The following RIC8B variants were observed in gnomAD, a reference collection of about 807,000 sequenced individuals.
RIC8B encodes RIC8 guanine nucleotide exchange factor B.
Under a neutral mutation model 57.5 loss-of-function variants are expected in RIC8B, and 16 were observed. The observed-to-expected ratio is 0.28, with a 90% CI of 0.19 to 0.42. The LOEUF is 0.42. RIC8B is among the 10% of genes least tolerant of loss of function. The probability of loss-of-function intolerance (pLI) is 1.00; values close to 1 mark genes in which losing one functional copy is unlikely to be tolerated. For synonymous variants in RIC8B, 216 were observed against 250.8 expected (o/e 0.86, Z 1.31); for missense variants, 481 against 677.0 (o/e 0.71, Z 3.21).
At chr12:106,871,482 A>AAAC (rs1555263899) in intron 9 of RIC8B, 6 of 140,672 alleles carry the variant, frequency 4.3e-5, no homozygotes, top group Admixed American at 7.1e-5. Context: ...AAAAAAAAAA[A>AAAC]AAAAAAAAAA....
intron 2 of RIC8B, among the ~76,000 whole-genome samples, chr12:106,804,886 GAT>G (rs1266242911): frequency 6.6e-6 from 1 of 152,158 alleles, no homozygotes; most frequent in African/African-American, 2.4e-5. Flanking sequence ...TGGTGAAAAA[GAT>G]AGCGTTTGAT....
At chr12:106,800,531 C>T (rs780256357) in intron 2 of RIC8B, among the ~76,000 whole-genome samples, 1 of 152,162 alleles carries the variant, frequency 6.6e-6, no homozygotes, top group Non-Finnish European at 1.5e-5. Flanking sequence ...GACACAGATC[C>T]AAACCATATC....
intron 3 of RIC8B, among the ~76,000 whole-genome samples, chr12:106,820,470 T>G (rs1376144452): frequency 8.5e-5 from 13 of 152,218 alleles, no homozygotes; most frequent in Admixed American, 7.9e-4. Context: ...ATTGAAATGG[T>G]CTTGTCTTCC....
intron 2 of RIC8B, among the ~76,000 whole-genome samples, chr12:106,806,569 C>G (rs917143317): frequency 6.6e-6 from 1 of 152,092 alleles, no homozygotes; most frequent in Admixed American, 6.5e-5. Flanking sequence ...CAATGGCTCA[C>G]GCCTGTAATC....
chr12:106,822,398 A>G (rs777868401), intron 3 of RIC8B: 2 of 152,220 alleles, frequency 1.3e-5, no homozygotes, highest in Non-Finnish European at 2.9e-5. Context: ...GTGAGTCAGC[A>G]TCTCCTCTCT....
intron 3 of RIC8B, among the ~76,000 whole-genome samples, chr12:106,821,719 C>A (rs2045850919): frequency 6.6e-6 from 1 of 152,012 alleles, no homozygotes; most frequent in Non-Finnish European, 1.5e-5. Context: ...CAATGACTCT[C>A]TTCAGAATAC....
chr12:106,879,610 AT>A lies in RIC8B; in HGVS notation c.1572-6287del, dbSNP rs537529038. ...CCCATCCCTAGCTCTTTAAGAAATT[AT>A]TTTTTTGGTTTCCATTAGCAGTCCC... On this transcript the variant is annotated intron_variant, in intron 9 of 9. Coordinates refer to ENST00000392837, the MANE Select transcript of RIC8B (RefSeq NM_001330145.2). The surrounding 1 kb of genome is among the most constrained non-coding windows in gnomAD (Gnocchi z 4.9). 6 of 985,130 alleles carry A rather than the reference AT, an allele frequency of 6.1e-6. No homozygotes were observed. The highest frequency in any genetic ancestry group is 6.0e-6 in the Non-Finnish European group (5 of 829,858). The allele number at this position is 985,130 out of a possible 1,614,324, so 61.0% of individuals were successfully genotyped here.
At chr12:106,795,251 G>T (rs2044425847) in intron 2 of RIC8B, among the ~76,000 whole-genome samples, 2 of 152,174 alleles carry the variant, frequency 1.3e-5, no homozygotes, top group South Asian at 4.1e-4. Context: ...GAAAAAGGGG[G>T]AAGGGAATAG....
At chr12:106,860,174 G>A in intron 7 of RIC8B, 94 bp from the exon 8 acceptor site, 1 of 1,083,860 alleles carries the variant, frequency 9.2e-7, no homozygotes, top group South Asian at 1.9e-5. Flanking sequence ...TACTGCCATA[G>A]TGTGTGTCTT....
At chr12:106,855,941 A>G (rs942157859) in intron 7 of RIC8B, among the ~76,000 whole-genome samples, 2 of 152,146 alleles carry the variant, frequency 1.3e-5, no homozygotes, top group African/African-American at 4.8e-5. Flanking sequence ...TATGATCTTC[A>G]TTCCCATGCC....
In RIC8B at chr12:106,860,302, T is replaced by C; in HGVS notation, c.1341T>C (p.Asn447=). The C allele has an allele frequency of 6.2e-7, 1 of 1,606,776 alleles. No individual in the cohort carries two copies. Reference sequence around the variant, plus strand: ...TGCTGAAATACACTGGCTATGGGAATGCTGCAGGACTGTTGGCGGCCAGGG... The same window carrying C: ...TGCTGAAATACACTGGCTATGGGAACGCTGCAGGACTGTTGGCGGCCAGGG... ...DSLLKYTGYG[N]AAGLLAARGL... is the part of the protein sequence containing the mutation. Residue 447 remains asparagine, a synonymous_variant, in exon 8 of 10, where the codon AAT becomes AAC. Coordinates refer to ENST00000392837, the MANE Select transcript of RIC8B (RefSeq NM_001330145.2).
chr12:106,868,202 G>A (rs2136566870), intron 8 of RIC8B: 7 of 441,306 alleles, frequency 1.6e-5, no homozygotes, highest in South Asian at 1.1e-4. Context: ...TTACCAGTGT[G>A]TCCTCCTGAT....
chr12:106,791,131 A>G (rs2044243951), intron 2 of RIC8B, among the ~76,000 whole-genome samples: 1 of 152,254 alleles, frequency 6.6e-6, no homozygotes, highest in South Asian at 2.1e-4. Flanking sequence ...TCCCAAGCAC[A>G]GCTCATGTTG....
chr12:106,831,658 A>C (rs770677709), intron 4 of RIC8B, among the ~76,000 whole-genome samples: 1 of 152,264 alleles, frequency 6.6e-6, no homozygotes, highest in Non-Finnish European at 1.5e-5. Context: ...CCTTTCAACA[A>C]GACTTCAGGG....
At chr12:106,835,097 A>G (rs943492646) in intron 4 of RIC8B, among the ~76,000 whole-genome samples, 3 of 149,954 alleles carry the variant, frequency 2.0e-5, no homozygotes, top group African/African-American at 7.4e-5. Context: ...ACTGGTTTGT[A>G]CTTACCGTTT....
intron 6 of RIC8B, among the ~76,000 whole-genome samples, chr12:106,848,239 G>C (rs1949297027): frequency 6.6e-6 from 1 of 152,188 alleles, no homozygotes; most frequent in African/African-American, 2.4e-5. Context: ...AAAGTACTTG[G>C]CATGTTTAAG....
chr12:106,830,715 C>G (rs1013225844), intron 4 of RIC8B, among the ~76,000 whole-genome samples: 1 of 152,164 alleles, frequency 6.6e-6, no homozygotes, highest in East Asian at 1.9e-4. Flanking sequence ...AACATGGAGA[C>G]TAAATTCCCA....
intron 1 of RIC8B, among the ~76,000 whole-genome samples, chr12:106,779,804 TG>T (rs1314044502): frequency 6.6e-6 from 1 of 151,668 alleles, no homozygotes. Context: ...ACTGTTAATT[TG>T]GGGAATTATG....
chr12:106,875,408 T>G (rs1011171240), intron 9 of RIC8B, among the ~76,000 whole-genome samples: 1 of 152,116 alleles, frequency 6.6e-6, no homozygotes, highest in Non-Finnish European at 1.5e-5. Flanking sequence ...AATTGTGTAG[T>G]AAAAGCAAGC....
Sources: gnomAD v4.1 joint callset for allele counts (sites outside exome capture counted in the v4.1 genomes callset) on GRCh38, gnomAD v4.1.1 for gene constraint, Gnocchi (gnomAD v3.1) non-coding constraint, MANE v1.5 for transcripts, NCBI Gene and HGNC (gene_info 2026-07-23, HGNC 2026-07-21) for gene names.